Variants in S1PR2 observed in about 807,000 individuals in gnomAD.
S1PR2 encodes the protein sphingosine 1-phosphate receptor 2.
In S1PR2, 9 loss-of-function variants were observed where a neutral mutation model predicts 16.1. The ratio of observed to expected loss-of-function variants is 0.56; its 90% CI spans 0.34 to 0.98. S1PR2 has a LOEUF of 0.98. Among genes scored for constraint, S1PR2 ranks in the 50% least tolerant of loss-of-function variants. The pLI, the probability that S1PR2 is intolerant of heterozygous loss-of-function variation, is 0.02. For missense variants in S1PR2, 361 were observed against 488.4 expected, an observed-to-expected ratio of 0.74 and a Z score of 2.46; for synonymous variants, 224 against 233.9, an observed-to-expected ratio of 0.96 and a Z score of 0.38.
In S1PR2 at chr19:10,223,790, T is replaced by C. The variant is rs2145440427; in HGVS notation, c.*54A>G. On this transcript the variant is annotated 3_prime_UTR_variant, in exon 2 of 2. Transcript: ENST00000646641. ...CAAGTCTCTATCTGGGGTCACCCAG[T>C]GGCCTCTCCATGAACCCCTCTGCCC... 4 of 1,466,424 alleles carry C rather than the reference T, an allele frequency of 2.7e-6. No homozygotes were observed. The highest frequency in any genetic ancestry group is 3.7e-6 in the Non-Finnish European group (4 of 1,091,532). 90.8% of individuals were successfully genotyped at this position (1,466,424 alleles called of 1,614,324 possible). A position where few individuals can be genotyped will look rare whatever the true frequency, so the allele number is the denominator to read the frequency against.
intron 1 of S1PR2, among the ~76,000 whole-genome samples, chr19:10,230,216 T>G: frequency 6.6e-6 from 1 of 152,264 alleles, no homozygotes; most frequent in African/African-American, 2.4e-5. Context: ...CCTTATCTGG[T>G]TTAGGAATGC....
intron 1 of S1PR2, among the ~76,000 whole-genome samples, chr19:10,229,077 AAACTTGT>A (rs1257818854): frequency 6.6e-6 from 1 of 151,946 alleles, no homozygotes; most frequent in African/African-American, 2.4e-5. Context: ...GGGAGCTTTT[AAACTTGT>A]AACTCCATGT....
At chr19:10,228,622 C>A (rs1249712882) in intron 1 of S1PR2, among the ~76,000 whole-genome samples, 1 of 152,172 alleles carries the variant, frequency 6.6e-6, no homozygotes, top group Non-Finnish European at 1.5e-5. Context: ...AGAAGAGTCA[C>A]CCCCTAGGTG....
intron 1 of S1PR2, among the ~76,000 whole-genome samples, chr19:10,229,132 G>A (rs2039653666): frequency 6.6e-6 from 1 of 151,862 alleles, no homozygotes; most frequent in African/African-American, 2.4e-5. Flanking sequence ...GCTCCCTATA[G>A]CCCAAGTAGG....
Position 10,223,705 on chromosome 19 carries a change from T to G in S1PR2, c.*139A>C. ...CAGTGCCTTATCTGGCCTTTCCAGGTGTGAAATATTTGCAACATCACCCAG... is the reference window on the plus strand; with the variant it reads ...CAGTGCCTTATCTGGCCTTTCCAGGGGTGAAATATTTGCAACATCACCCAG... On this transcript the variant is annotated 3_prime_UTR_variant, in exon 2 of 2. Transcript: ENST00000646641. The G allele has an allele frequency of 1.3e-6, 1 of 783,148 alleles. No individual in the cohort carries two copies. Among genetic ancestry groups the G allele is most frequent in the Non-Finnish European group, 2.0e-6 (1 of 497,592 alleles). The allele number at this position is 783,148 out of a possible 1,614,324, so 48.5% of individuals were successfully genotyped here.
chr19:10,230,176 CG>C, intron 1 of S1PR2, among the ~76,000 whole-genome samples: 1 of 152,344 alleles, frequency 6.6e-6, no homozygotes, highest in East Asian at 1.9e-4. Flanking sequence ...CAGCAGGACC[CG>C]ACCCCGTGCT....
rs371414653 is a variant in S1PR2 at position 10,224,083 on chromosome 19, C to A, written c.823G>T (p.Ala275Ser). Residue 275 changes from alanine to serine, a missense_variant, in exon 2 of 2, where the codon GCC (alanine) becomes TCC (serine). Physicochemically the swap from Ala to Ser is moderately conservative, Grantham distance 99. Coordinates refer to ENST00000646641, the MANE Select transcript of S1PR2 (RefSeq NM_004230.4). ...AGCAGGGAATTCAGGGTGGAGACGG[C>A]GAAAAAGTAGTGGGCTTTGTAGAGG... ...PILYKAHYFF[A>S]VSTLNSLLNP... The A allele has an allele frequency of 1.2e-6, 2 of 1,606,742 alleles. No individual in the cohort carries two copies. The highest frequency in any genetic ancestry group is 1.7e-6 in the Non-Finnish European group (2 of 1,179,990).
At chr19:10,230,441 C>T (rs2039665609) in intron 1 of S1PR2, 1 of 154,702 alleles carries the variant, frequency 6.5e-6, no homozygotes, top group Non-Finnish European at 1.5e-5. Context: ...GGCCGTGTCG[C>T]CCCACGAGGG....
Position 10,223,497 on chromosome 19 carries a change from A to G in S1PR2, c.*347T>C. The G allele has an allele frequency of 4.0e-6, 1 of 248,300 alleles. No individual in the cohort carries two copies. Among genetic ancestry groups the G allele is most frequent in the Non-Finnish European group, 7.7e-6 (1 of 129,560 alleles). The allele number at this position is 248,300 out of a possible 1,614,324, so 15.4% of individuals were successfully genotyped here. On this transcript the variant is annotated 3_prime_UTR_variant, in exon 2 of 2. Transcript: ENST00000646641. ...CAAGATTCCGTCTCAAAAAAAAAAA[A>G]AAATCCTTTGTACCAGGTGGTAAAG... is the stretch of plus-strand genomic sequence containing the variant.
chr19:10,225,264 T>C (rs1328893548), intron 1 of S1PR2, among the ~76,000 whole-genome samples: 1 of 152,026 alleles, frequency 6.6e-6, no homozygotes, highest in East Asian at 1.9e-4. Context: ...GCTCTGTCAT[T>C]CAGGCTGGAG....
At chr19:10,229,165 C>T (rs573216653) in intron 1 of S1PR2, among the ~76,000 whole-genome samples, 1 of 152,226 alleles carries the variant, frequency 6.6e-6, no homozygotes, top group Non-Finnish European at 1.5e-5. Flanking sequence ...GATGAAGCCT[C>T]CTCCCACTCT....
At chr19:10,226,163 T>C (rs990360588) in intron 1 of S1PR2, among the ~76,000 whole-genome samples, 8 of 152,220 alleles carry the variant, frequency 5.3e-5, no homozygotes, top group African/African-American at 1.9e-4. Flanking sequence ...TCACCACTGA[T>C]AGCTCCGTGC....
chr19:10,225,001 C>G, intron 1 of S1PR2, 54 bp from the exon 2 acceptor site: 1 of 1,037,998 alleles, frequency 9.6e-7, no homozygotes, highest in Non-Finnish European at 1.4e-6. Context: ...GTGGCTGCTA[C>G]CTGGGCTCTG....
At position 10,222,134 on chromosome 19, in the gene S1PR2, A is replaced by G. The variant is rs1048977325; in HGVS notation, c.*1710T>C. On this transcript the variant is annotated 3_prime_UTR_variant, in exon 2 of 2. Coordinates refer to ENST00000646641, the MANE Select transcript of S1PR2 (RefSeq NM_004230.4). ...GCCAGACATGGTGGCAGGTGCCTGT[A>G]GTCCCAGCTACTCGAGAGGCTGAAG... 2 of 152,218 alleles carry G rather than the reference A, an allele frequency of 1.3e-5. No homozygotes were observed. Among genetic ancestry groups the G allele is most frequent in the African/African-American group, 4.8e-5 (2 of 41,456 alleles). The allele number at this position is 152,218 out of a possible 1,614,324, so 9.4% of individuals were successfully genotyped here.
rs770771070 is a variant in S1PR2 at position 10,224,378 on chromosome 19, G to A, written c.528C>T (p.Leu176=). 8.1e-6 allele frequency: 13 copies of A among 1,613,774 alleles called. No individual in the cohort carries two copies. The highest frequency in any genetic ancestry group is 6.6e-5 in the South Asian group (6 of 91,086). Residue 176 remains leucine (L), a synonymous_variant, in exon 2 of 2, where the codon CTC becomes CTT. Transcript: ENST00000646641. ...GAGGCAGGACAGTGGAGCAGGCCTC[G>A]AGGTGGCCCAGGCAGTTCCAGCCAA... ...PILGWNCLGH[L]EACSTVLPLY...
chr19:10,228,529 C>A (rs2039650281), intron 1 of S1PR2, among the ~76,000 whole-genome samples: 1 of 152,174 alleles, frequency 6.6e-6, no homozygotes, highest in Non-Finnish European at 1.5e-5. Context: ...CTCATCTTAA[C>A]CACTAGGACT....
At position 10,223,725 on chromosome 19, in the gene S1PR2, AC is replaced by A; in HGVS notation, c.*118del. 1.1e-6 allele frequency: 1 copy of A among 922,400 alleles called. No homozygotes were observed. The highest frequency in any genetic ancestry group is 1.8e-5 in the South Asian group (1 of 54,484). The allele number at this position is 922,400 out of a possible 1,614,324, so 57.1% of individuals were successfully genotyped here. ...CCAGGTGTGAAATATTTGCAACATC[AC>A]CCAGGTCTGTGGGGCGGGGGCATCT... On this transcript the variant is annotated 3_prime_UTR_variant, in exon 2 of 2. Coordinates refer to ENST00000646641, the MANE Select transcript of S1PR2 (RefSeq NM_004230.4).
chr19:10,226,887 G>C (rs929280688), intron 1 of S1PR2, among the ~76,000 whole-genome samples: 1 of 151,822 alleles, frequency 6.6e-6, no homozygotes. Flanking sequence ...CCGCCGGGAG[G>C]GGGTAAGGCA....
Position 10,223,782 on chromosome 19 carries a change from T to G in S1PR2, c.*62A>C. The stretch of plus-strand genomic sequence containing the variant: ...AGTAGCCCCAAGTCTCTATCTGGGG[T>G]CACCCAGTGGCCTCTCCATGAACCC... On this transcript the variant is annotated 3_prime_UTR_variant, in exon 2 of 2. Transcript: ENST00000646641. The G allele has an allele frequency of 7.0e-7, 1 of 1,430,412 alleles. No homozygotes were observed. The highest frequency in any genetic ancestry group is 9.4e-7 in the Non-Finnish European group (1 of 1,061,320). The allele number at this position is 1,430,412 out of a possible 1,614,324, so 88.6% of individuals were successfully genotyped here. A position where few individuals can be genotyped will look rare whatever the true frequency, so the allele number is the denominator to read the frequency against.
Sources: allele counts gnomAD v4.1 joint callset (sites outside exome capture counted in the v4.1 genomes callset), GRCh38; gene constraint gnomAD v4.1.1; transcripts MANE v1.5; gene names NCBI Gene and HGNC (gene_info 2026-07-23, HGNC 2026-07-21).